Variants in CTTN observed in about 807,000 individuals in gnomAD.
CTTN encodes the protein src substrate cortactin.
A neutral mutation model predicts 84.0 loss-of-function variants in CTTN; 28 were observed. That is an observed-to-expected ratio of 0.33 (90% CI 0.25 to 0.46). The LOEUF is 0.46. CTTN is among the 20% of genes least tolerant of loss of function. The pLI is 1.00. For synonymous variants in CTTN, 301 were observed against 288.8 expected (o/e 1.04, Z -0.43); for missense variants, 641 against 723.8 (o/e 0.89, Z 1.31).
chr11:70,420,557 T>C (rs2058220929), intron 10 of CTTN, 47 bp downstream of exon 10: 1 of 1,443,812 alleles, frequency 6.9e-7, no homozygotes. Flanking sequence ...AAGTTTGTTT[T>C]TGTTCCTTGC....
At chr11:70,410,287 C>T (rs2058083994) in intron 5 of CTTN, 2 of 248,498 alleles carry the variant, frequency 8.0e-6, no homozygotes, top group African/African-American at 2.2e-5. Flanking sequence ...ACTGTCAATG[C>T]CTGTGGTTCC....
intron 9 of CTTN, chr11:70,420,112 C>T (rs999369672): frequency 1.3e-5 from 8 of 596,210 alleles, no homozygotes; most frequent in South Asian, 6.3e-5. Flanking sequence ...CTGTGTTGCC[C>T]GTGTGAGCCT....
intron 10 of CTTN, among the ~76,000 whole-genome samples, chr11:70,420,769 A>G (rs2058225474): frequency 6.6e-6 from 1 of 150,508 alleles, no homozygotes; most frequent in South Asian, 2.1e-4. Flanking sequence ...AGCCTGCAGC[A>G]GGGGGCTGGG....
intron 11 of CTTN, chr11:70,422,402 G>A (rs753594500): frequency 1.0e-5 from 9 of 871,984 alleles, no homozygotes; most frequent in Non-Finnish European, 3.3e-6. Context: ...GCTCTCCGTG[G>A]CATCACTGCT....
intron 4 of CTTN, among the ~76,000 whole-genome samples, chr11:70,408,699 C>A (rs1270354108): frequency 6.6e-6 from 1 of 152,118 alleles, no homozygotes; most frequent in Non-Finnish European, 1.5e-5. Flanking sequence ...CGCACCTGGC[C>A]CCCAGTGGCT....
At position 70,433,724 on chromosome 11, in the gene CTTN, C is replaced by T. The variant is rs942337492; in HGVS notation, c.1516+6C>T. ...CCTGTACGACTACCAGGCTGGTGAG[C>T]GGCCTGCAAAAGCACTTGGAGGGGA... is the stretch of plus-strand genomic sequence containing the variant. On this transcript the variant is annotated splice_donor_region_variant and intron_variant, in intron 17 of 17. Transcript: ENST00000301843. 38 of 1,610,088 alleles carry T rather than the reference C, an allele frequency of 2.4e-5. No homozygotes were observed. The highest frequency in any genetic ancestry group is 3.1e-5 in the Non-Finnish European group (37 of 1,176,388).
At chr11:70,421,362 C>T in intron 10 of CTTN, 108 bp from the exon 11 acceptor site, 1 of 829,420 alleles carries the variant, frequency 1.2e-6, no homozygotes, top group Non-Finnish European at 2.1e-6. Flanking sequence ...CAGGAGAGCC[C>T]TTGCTTTCTG....
chr11:70,435,919 T>A lies in CTTN; in HGVS notation c.*757T>A, dbSNP rs1361811038. 6.8e-7 allele frequency: 1 copy of A among 1,462,122 alleles called. No individual in the cohort carries two copies. Among genetic ancestry groups the A allele is most frequent in the East Asian group, 2.5e-5 (1 of 40,356 alleles). The allele number at this position is 1,462,122 out of a possible 1,614,324, so 90.6% of individuals were successfully genotyped here. A position where few individuals can be genotyped will look rare whatever the true frequency, so the allele number is the denominator to read the frequency against. On this transcript the variant is annotated 3_prime_UTR_variant, in exon 18 of 18. Coordinates refer to ENST00000301843, the MANE Select transcript of CTTN (RefSeq NM_005231.4). ...TCCCCTGCCCCGCGGGTCTCTGGAT[T>A]GGGACGCACAGTGCAGTTGAGGTCT... is the stretch of plus-strand genomic sequence containing the variant.
chr11:70,426,467 C>T (rs1011280533), intron 13 of CTTN, among the ~76,000 whole-genome samples: 13 of 152,038 alleles, frequency 8.6e-5, no homozygotes, highest in Admixed American at 5.2e-4. Context: ...ATTTTGAGAC[C>T]GGGTCTTGCT....
rs763845699 is a variant in CTTN at position 70,421,503 on chromosome 11, T to A, written c.824T>A (p.Val275Asp). Reference protein sequence around the residue: ...YKTGFGGKFGVQSERQDSAAV... With the variant: ...YKTGFGGKFGDQSERQDSAAV... ...ACTGGTTTTGGAGGCAAATTCGGTGTTCAGTCGGAGAGGCAGGACTCCGCT... is the reference window on the plus strand; with the variant it reads ...ACTGGTTTTGGAGGCAAATTCGGTGATCAGTCGGAGAGGCAGGACTCCGCT... Residue 275 changes from valine to aspartate, a missense_variant, in exon 11 of 18, where the codon GTT (valine) becomes GAT (aspartate). By Grantham distance (152) the Val-to-Asp change is radical. This residue lies in a region of CTTN where 289 missense variants were observed against 273.1 expected (regional missense o/e 1.06). Transcript: ENST00000301843. The A allele has an allele frequency of 1.2e-6, 2 of 1,614,070 alleles. No individual in the cohort carries two copies. Among genetic ancestry groups the A allele is most frequent in the South Asian group, 2.2e-5 (2 of 91,084 alleles).
Position 70,422,953 on chromosome 11 carries a change from A to C in CTTN, c.915A>C (p.Gly305=), listed in dbSNP as rs1183026161. 1 of 1,614,004 alleles carries C rather than the reference A, an allele frequency of 6.2e-7. No homozygotes were observed. Among genetic ancestry groups the C allele is most frequent in the South Asian group, 1.1e-5 (1 of 91,080 alleles). Residue 305 remains glycine (G), a synonymous_variant, in exon 12 of 18, where the codon GGA becomes GGC. Transcript: ENST00000301843. ...GCCACGTTTCAGACTACTCCAAAGG[A>C]TTCGGCGGGAAGTATGGGGTGCAGA... ...KHESQQDYSK[G]FGGKYGVQKD...
In CTTN at chr11:70,425,372, C is replaced by T. The variant is rs563697478; in HGVS notation, c.998C>T (p.Ala333Val). 7 of 1,612,686 alleles carry T rather than the reference C, an allele frequency of 4.3e-6. No homozygotes were observed. The African/African-American group carries it at 6.7e-5, about 15-fold the overall frequency. The change falls in exon 13 of 18, where the codon GCC becomes GTC. Residue 333 changes from alanine to valine, a missense_variant. Around this residue, in one of 3 missense-constraint regions of CTTN, gnomAD observed 289 missense variants for 273.1 expected, o/e 1.06. Transcript: ENST00000301843. Reference sequence around the variant, plus strand: ...GAGGATGTCACCCAGGTGTCCTCTGCCTACCAGAAGACAGTACCTGTCGAA... The same window carrying T: ...GAGGATGTCACCCAGGTGTCCTCTGTCTACCAGAAGACAGTACCTGTCGAA... ...TFEDVTQVSS[A>V]YQKTVPVEAV...
rs2058405062 is a variant in CTTN at position 70,435,293 on chromosome 11, G to C, written c.*131G>C. ...TTTTTTTTTTTGAAGGTGGGGAGGG[G>C]AATATACACATTGCTTTTATATTTA... On this transcript the variant is annotated 3_prime_UTR_variant, in exon 18 of 18. Coordinates refer to ENST00000301843, the MANE Select transcript of CTTN (RefSeq NM_005231.4). 1.5e-6 allele frequency: 2 copies of C among 1,374,208 alleles called. No individual in the cohort carries two copies. Among genetic ancestry groups the C allele is most frequent in the African/African-American group, 3.0e-5 (2 of 66,400 alleles). 85.1% of individuals were successfully genotyped at this position (1,374,208 alleles called of 1,614,324 possible).
intron 1 of CTTN, among the ~76,000 whole-genome samples, chr11:70,401,481 A>G (rs1394209230): frequency 1.3e-5 from 2 of 151,838 alleles, no homozygotes; most frequent in East Asian, 3.9e-4. Flanking sequence ...ATCTCAAAAG[A>G]AAAAAGAAAA....
intron 15 of CTTN, 37 bp from the exon 16 acceptor site, chr11:70,433,064 A>G (rs1432893229): frequency 6.2e-7 from 1 of 1,600,066 alleles, no homozygotes; most frequent in East Asian, 2.2e-5. Context: ...AGAAGCCAGC[A>G]TGGGCCCCGT....
chr11:70,411,201 C>T (rs927744207), intron 5 of CTTN, among the ~76,000 whole-genome samples: 5 of 145,980 alleles, frequency 3.4e-5, no homozygotes, highest in African/African-American at 8.4e-5. Flanking sequence ...CACGGACAGA[C>T]GGAATCCATG....
intron 13 of CTTN, among the ~76,000 whole-genome samples, chr11:70,426,897 G>T (rs886949202): frequency 6.6e-6 from 1 of 151,648 alleles, no homozygotes; most frequent in African/African-American, 2.4e-5. Context: ...ACTGTGCCCG[G>T]CCAAATTTTT....
At chr11:70,412,389 G>T (rs2058104781) in intron 5 of CTTN, among the ~76,000 whole-genome samples, 1 of 152,152 alleles carries the variant, frequency 6.6e-6, no homozygotes, top group African/African-American at 2.4e-5. Flanking sequence ...CACCATTACA[G>T]TCCAGCCTGG....
At position 70,431,374 on chromosome 11, in the gene CTTN, G is replaced by A. The variant is rs890406873; in HGVS notation, c.1266+94G>A. 18 of 1,335,852 alleles carry A rather than the reference G, an allele frequency of 1.3e-5. No individual in the cohort carries two copies. In the African/African-American group the frequency reaches 2.0e-4, roughly 15 times the overall value. The allele number at this position is 1,335,852 out of a possible 1,614,324, so 82.7% of individuals were successfully genotyped here. A position where few individuals can be genotyped will look rare whatever the true frequency, so the allele number is the denominator to read the frequency against. On this transcript the variant is annotated intron_variant, in intron 15 of 17. Transcript: ENST00000301843. ...TGGAGGAAGCCCTTGCAGGCAGGCA[G>A]TGTGGCGTGGGTGTAGAGGGCATCG...
Sources: gnomAD v4.1 joint callset for allele counts (sites outside exome capture counted in the v4.1 genomes callset) on GRCh38, gnomAD v4.1.1 for gene constraint, gnomAD v4.1.1 regional missense constraint, MANE v1.5 for transcripts, NCBI Gene and HGNC (gene_info 2026-07-23, HGNC 2026-07-21) for gene names.